Variants in ALDH1L2 observed in about 807,000 individuals in gnomAD.
The protein encoded by ALDH1L2 is aldehyde dehydrogenase 1 family member L2.
Under a neutral mutation model 111.0 loss-of-function variants are expected in ALDH1L2, and 91 were observed. That is an observed-to-expected ratio of 0.82 (90% CI 0.69 to 0.98). The LOEUF is 0.98. Ranked by LOEUF, ALDH1L2 falls within the 50% of genes least tolerant of loss-of-function variation. The pLI is 0.00. For missense variants in ALDH1L2, 995 were observed against 1,126.8 expected (o/e 0.88, Z 1.67); for synonymous variants, 374 against 392.6 (o/e 0.95, Z 0.56).
rs1874162995 is a variant in ALDH1L2 at position 105,021,602 on chromosome 12, A to G, written c.*2822T>C. 1 of 151,242 alleles carries G rather than the reference A, an allele frequency of 6.6e-6. No homozygotes were observed. Among genetic ancestry groups the G allele is most frequent in the Non-Finnish European group, 1.5e-5 (1 of 68,110 alleles). The allele number at this position is 151,242 out of a possible 1,614,324, so 9.4% of individuals were successfully genotyped here. On this transcript the variant is annotated 3_prime_UTR_variant, in exon 23 of 23. Transcript: ENST00000258494. ...TCTGTCTCAAAAAAAAAAAAAAGTAATAATGGCTTAGGGGTAGAGGTAGTA... is the reference window on the plus strand; with the variant it reads ...TCTGTCTCAAAAAAAAAAAAAAGTAGTAATGGCTTAGGGGTAGAGGTAGTA...
chr12:105,046,636 A>G, intron 15 of ALDH1L2, 74 bp downstream of exon 15: 6 of 1,305,072 alleles, frequency 4.6e-6, no homozygotes, highest in Non-Finnish European at 6.4e-6. Context: ...GCTATTTATA[A>G]ATATATTTCA....
At chr12:105,068,586 TAA>T in intron 4 of ALDH1L2, 131 bp downstream of exon 4, 1 of 964,548 alleles carries the variant, frequency 1.0e-6, no homozygotes, top group Non-Finnish European at 1.4e-6. Context: ...TCCCATTAGT[TAA>T]AAAAAATCTA....
intron 2 of ALDH1L2, chr12:105,072,212 TATA>T (rs1251610075): frequency 2.7e-5 from 4 of 147,662 alleles, no homozygotes; most frequent in African/African-American, 4.9e-5. Context: ...CATTTTATAA[TATA>T]TTATTATATA....
At chr12:105,082,987 C>T (rs1479091034) in intron 1 of ALDH1L2, among the ~76,000 whole-genome samples, 2 of 152,236 alleles carry the variant, frequency 1.3e-5, no homozygotes, top group Non-Finnish European at 2.9e-5. Flanking sequence ...TCCATATGCA[C>T]CCCTGCGTAC....
At chr12:105,046,679 C>T in intron 15 of ALDH1L2, 31 bp downstream of exon 15, 1 of 1,584,588 alleles carries the variant, frequency 6.3e-7, no homozygotes, top group Non-Finnish European at 8.7e-7. Context: ...AGAGAGGAGG[C>T]AATTCTGCAC....
intron 1 of ALDH1L2, among the ~76,000 whole-genome samples, chr12:105,075,220 C>T (rs550254992): frequency 1.3e-4 from 20 of 152,332 alleles, no homozygotes; most frequent in African/African-American, 4.6e-4. Context: ...TGTAATGTGC[C>T]GCTCGGCTGT....
chr12:105,046,833 C>T lies in ALDH1L2; in HGVS notation c.1758-18G>A, dbSNP rs746409700. 5.0e-6 allele frequency: 8 copies of T among 1,613,192 alleles called. No homozygotes were observed. Among genetic ancestry groups the T allele is most frequent in the African/African-American group, 4.0e-5 (3 of 74,862 alleles). ...CACAGACACTGCAGGGGAAGAAATTCGACATGCTTAGTTGTTTCAAATAAC... is the reference window on the plus strand; with the variant it reads ...CACAGACACTGCAGGGGAAGAAATTTGACATGCTTAGTTGTTTCAAATAAC... On this transcript the variant is annotated intron_variant, in intron 14 of 22. Coordinates refer to ENST00000258494, the MANE Select transcript of ALDH1L2 (RefSeq NM_001034173.4).
At chr12:105,075,099 C>A (rs1241456117) in intron 1 of ALDH1L2, among the ~76,000 whole-genome samples, 2 of 152,214 alleles carry the variant, frequency 1.3e-5, no homozygotes, top group African/African-American at 4.8e-5. Flanking sequence ...ATGTTTGCCA[C>A]CTTACAAAAA....
rs1365652726 is a variant in ALDH1L2, at chr12:105,070,785, A to G, written c.213T>C (p.Asp71=). The G allele has an allele frequency of 6.2e-7, 1 of 1,613,170 alleles. No homozygotes were observed. Among genetic ancestry groups the G allele is most frequent in the Non-Finnish European group, 8.5e-7 (1 of 1,179,798 alleles). ...TAGGAAGCTTGAACACAGGGGTCCC[A>G]TCTTTCTCTGCAGCCAAAGCTGAGC... is the stretch of plus-strand genomic sequence containing the variant. ...ADPLALAAEK[D]GTPVFKLPKW... is the part of the protein sequence containing the mutation. Residue 71 remains aspartate, a synonymous_variant, in exon 3 of 23, where the codon GAT becomes GAC. Coordinates refer to ENST00000258494, the MANE Select transcript of ALDH1L2 (RefSeq NM_001034173.4).
chr12:105,073,308 C>T (rs569357599), intron 2 of ALDH1L2, among the ~76,000 whole-genome samples: 1 of 152,346 alleles, frequency 6.6e-6, no homozygotes, highest in Admixed American at 6.5e-5. Flanking sequence ...CTGTTACCCA[C>T]ATGCTGTACC....
Position 105,019,825 on chromosome 12 carries a change from G to A in ALDH1L2, c.*4599C>T, listed in dbSNP as rs1304695449. 1 of 152,178 alleles carries A rather than the reference G, an allele frequency of 6.6e-6. No homozygotes were observed. Among genetic ancestry groups the A allele is most frequent in the African/African-American group, 2.4e-5 (1 of 41,450 alleles). 9.4% of individuals were successfully genotyped at this position (152,178 alleles called of 1,614,324 possible). ...TGTGTTTATTGGCATAGATGCTTATGATATATTGTTAATTGAAAAAGCAGG... is the reference window on the plus strand; with the variant it reads ...TGTGTTTATTGGCATAGATGCTTATAATATATTGTTAATTGAAAAAGCAGG... On this transcript the variant is annotated 3_prime_UTR_variant, in exon 23 of 23. Transcript: ENST00000258494.
chr12:105,040,148 A>AC (rs1565954244), intron 16 of ALDH1L2, among the ~76,000 whole-genome samples: 12 of 135,366 alleles, frequency 8.9e-5, no homozygotes, highest in South Asian at 2.4e-4. Flanking sequence ...AAAAAAAAAA[A>AC]AAAACCTTAC....
At chr12:105,028,027 A>G (rs1347896503) in intron 21 of ALDH1L2, among the ~76,000 whole-genome samples, 1 of 152,170 alleles carries the variant, frequency 6.6e-6, no homozygotes, top group Non-Finnish European at 1.5e-5. Flanking sequence ...GTCATAGTGT[A>G]TGTACCTTCT....
At chr12:105,055,996 A>G (rs1198559502) in intron 10 of ALDH1L2, among the ~76,000 whole-genome samples, 1 of 152,184 alleles carries the variant, frequency 6.6e-6, no homozygotes. Context: ...ATTTGAAGAA[A>G]GAATAGCTGA....
intron 9 of ALDH1L2, among the ~76,000 whole-genome samples, chr12:105,060,169 G>C (rs549810068): frequency 3.3e-5 from 5 of 151,954 alleles, no homozygotes; most frequent in South Asian, 2.1e-4. Context: ...TAATTTATGG[G>C]GGGGGCGAGG....
At position 105,046,892 on chromosome 12, in the gene ALDH1L2, A is replaced by G. The variant is rs754027664; in HGVS notation, c.1757+7T>C. 1 of 1,614,022 alleles carries G rather than the reference A, an allele frequency of 6.2e-7. No individual in the cohort carries two copies. The highest frequency in any genetic ancestry group is 8.5e-7 in the Non-Finnish European group (1 of 1,179,926). ...TGATTCACTCAGAGGCACTCTCCTTATCTTACCCGAGTGGCTCTTTCTTGG... is the reference window on the plus strand; with the variant it reads ...TGATTCACTCAGAGGCACTCTCCTTGTCTTACCCGAGTGGCTCTTTCTTGG... On this transcript the variant is annotated splice_region_variant and intron_variant, in intron 14 of 22. Coordinates refer to ENST00000258494, the MANE Select transcript of ALDH1L2 (RefSeq NM_001034173.4).
chr12:105,038,783 C>G (rs945766489), intron 17 of ALDH1L2, among the ~76,000 whole-genome samples: 1 of 152,120 alleles, frequency 6.6e-6, no homozygotes, highest in African/African-American at 2.4e-5. Context: ...TGCTTTTCTG[C>G]TTTCTATGTA....
intron 12 of ALDH1L2, chr12:105,050,343 T>A (rs1035497342): frequency 9.2e-6 from 2 of 218,050 alleles, no homozygotes; most frequent in African/African-American, 4.6e-5. Flanking sequence ...GTACCAGTCA[T>A]TGGAACCACA....
chr12:105,052,242 GC>G (rs763065174), intron 11 of ALDH1L2, 25 bp from the exon 12 acceptor site: 1 of 1,553,728 alleles, frequency 6.4e-7, no homozygotes, highest in Non-Finnish European at 8.7e-7. Context: ...GTAAAAATAG[GC>G]CCCATGAGAG....
Sources: gnomAD v4.1 joint callset for allele counts (sites outside exome capture counted in the v4.1 genomes callset) on GRCh38, gnomAD v4.1.1 for gene constraint, MANE v1.5 for transcripts, NCBI Gene and HGNC (gene_info 2026-07-23, HGNC 2026-07-21) for gene names.